The following SRD5A2 variants were observed in gnomAD, a reference collection of about 807,000 sequenced individuals.
The protein encoded by SRD5A2 is 3-oxo-5-alpha-steroid 4-dehydrogenase 2.
SRD5A2 carries 30 observed loss-of-function variants against 27.4 expected under a neutral mutation model. The observed-to-expected ratio is 1.10, with a 90% CI of 0.82 to 1.49. The LOEUF (loss-of-function observed/expected upper bound fraction) is 1.49, where lower values mean the gene tolerates loss of function less well. Among genes scored for constraint, SRD5A2 ranks in the 40% most tolerant of loss-of-function variants. The pLI is 0.00. For synonymous variants in SRD5A2, 141 were observed against 133.6 expected (o/e 1.06, Z -0.38); for missense variants, 348 against 323.4 (o/e 1.08, Z -0.58).
chr2:31,552,366 G>A (rs1051778754), intron 1 of SRD5A2, among the ~76,000 whole-genome samples: 4 of 151,900 alleles, frequency 2.6e-5, no homozygotes, highest in African/African-American at 9.7e-5. Flanking sequence ...GAGGGGAAGA[G>A]AAGTGGAATG....
chr2:31,595,715 T>C, the SRD5A2 span, among the ~76,000 whole-genome samples: 18 of 152,102 alleles, frequency 1.2e-4, no homozygotes, highest in Non-Finnish European at 4.4e-5. Context: ...GAAGCCAGTA[T>C]TACCCTATCA....
At chr2:31,595,694 C>T in the SRD5A2 span, among the ~76,000 whole-genome samples, 1 of 152,136 alleles carries the variant, frequency 6.6e-6, no homozygotes, top group Non-Finnish European at 1.5e-5. Context: ...GTCCTCCCTA[C>T]ATCATTTTAT....
chr2:31,634,385 T>C, the SRD5A2 span, among the ~76,000 whole-genome samples: 1 of 151,940 alleles, frequency 6.6e-6, no homozygotes, highest in Non-Finnish European at 1.5e-5. Context: ...ACCAAATGTG[T>C]TAATATATGT....
the SRD5A2 span, among the ~76,000 whole-genome samples, chr2:31,603,911 G>C: frequency 6.6e-6 from 1 of 151,892 alleles, no homozygotes; most frequent in Non-Finnish European, 1.5e-5. Flanking sequence ...GGGGTGGAAA[G>C]AGAGAGCATC....
the SRD5A2 span, among the ~76,000 whole-genome samples, chr2:31,616,803 G>C: frequency 6.6e-6 from 1 of 152,160 alleles, no homozygotes. Flanking sequence ...GGCATGATTG[G>C]TTTTGAAATG....
At chr2:31,607,962 G>A in the SRD5A2 span, among the ~76,000 whole-genome samples, 4 of 151,916 alleles carry the variant, frequency 2.6e-5, no homozygotes, top group Admixed American at 6.6e-5. Context: ...GCTATGTAAC[G>A]GTACAATGAG....
chr2:31,615,479 C>G, the SRD5A2 span, among the ~76,000 whole-genome samples: 1 of 152,140 alleles, frequency 6.6e-6, no homozygotes, highest in Non-Finnish European at 1.5e-5. Context: ...TCCCCCTGCC[C>G]TGGAGATCTG....
chr2:31,541,568 T>A (rs2366063), intron 1 of SRD5A2, among the ~76,000 whole-genome samples: 152,274 of 152,274 alleles, frequency 1, 76,137 homozygotes, highest in Non-Finnish European at 1. Flanking sequence ...GCAGAAGACC[T>A]ATTTAACAAA....
At chr2:31,651,524 C>A in the SRD5A2 span, 1 of 205,992 alleles carries the variant, frequency 4.9e-6, no homozygotes, top group East Asian at 1.2e-4. Flanking sequence ...AAGGACTGCT[C>A]AAAAATTCAT....
At chr2:31,565,558 G>A (rs1173233905) in intron 1 of SRD5A2, among the ~76,000 whole-genome samples, 1 of 151,870 alleles carries the variant, frequency 6.6e-6, no homozygotes, top group Admixed American at 6.6e-5. Context: ...ATCTGTAGTG[G>A]CTAAGTTAAT....
the SRD5A2 span, among the ~76,000 whole-genome samples, chr2:31,626,163 G>C: frequency 6.6e-6 from 1 of 152,114 alleles, no homozygotes; most frequent in African/African-American, 2.4e-5. Flanking sequence ...CTCTTTGTCT[G>C]TTAATGGTGT....
the SRD5A2 span, among the ~76,000 whole-genome samples, chr2:31,649,510 C>G: frequency 1.3e-5 from 2 of 152,024 alleles, no homozygotes; most frequent in Admixed American, 1.3e-4. Context: ...TAGTCAAATA[C>G]CTATGTATCA....
At chr2:31,564,981 A>T (rs181004168) in intron 1 of SRD5A2, among the ~76,000 whole-genome samples, 1 of 152,132 alleles carries the variant, frequency 6.6e-6, no homozygotes, top group Non-Finnish European at 1.5e-5. Context: ...TGTTTAAAAG[A>T]TAATTGACGA....
chr2:31,636,468 T>C, the SRD5A2 span, among the ~76,000 whole-genome samples: 1 of 152,176 alleles, frequency 6.6e-6, no homozygotes, highest in Admixed American at 6.5e-5. Flanking sequence ...ATGCCCTTTA[T>C]TTCTTTCTCT....
At chr2:31,612,277 T>A in the SRD5A2 span, among the ~76,000 whole-genome samples, 1 of 148,422 alleles carries the variant, frequency 6.7e-6, no homozygotes. Flanking sequence ...CAAGACTGCG[T>A]CTCAAAATTA....
At chr2:31,614,349 C>A in the SRD5A2 span, among the ~76,000 whole-genome samples, 1 of 152,168 alleles carries the variant, frequency 6.6e-6, no homozygotes, top group Admixed American at 6.5e-5. Context: ...CTTAAAGCTG[C>A]AAAATTATCT....
Position 31,529,274 on chromosome 2 carries a change from C to A in SRD5A2, c.698+33G>T, listed in dbSNP as rs28383066. The A allele has an allele frequency of 3.1e-6, 5 of 1,612,590 alleles. No individual in the cohort carries two copies. The South Asian group carries it at 3.3e-5, about 11-fold the overall frequency. On this transcript the variant is annotated intron_variant, in intron 4 of 4. Coordinates refer to ENST00000622030, the MANE Select transcript of SRD5A2 (RefSeq NM_000348.4). ...GCCTGTTTGGAGAAGAAGAAAGCTA[C>A]GTGAATGCTGCCGCTTTTATTGAAA...
At chr2:31,567,038 G>T (rs1666744867) in intron 1 of SRD5A2, among the ~76,000 whole-genome samples, 1 of 152,042 alleles carries the variant, frequency 6.6e-6, no homozygotes, top group African/African-American at 2.4e-5. Flanking sequence ...TCCATACACA[G>T]ATATAGTCCA....
At chr2:31,608,093 G>T in the SRD5A2 span, among the ~76,000 whole-genome samples, 1 of 151,944 alleles carries the variant, frequency 6.6e-6, no homozygotes. Flanking sequence ...AAGCTGACCA[G>T]CCTATAGTAT....
Sources: allele counts gnomAD v4.1 joint callset (sites outside exome capture counted in the v4.1 genomes callset), GRCh38; gene constraint gnomAD v4.1.1; transcripts MANE v1.5; gene names NCBI Gene and HGNC (gene_info 2026-07-23, HGNC 2026-07-21).